The following DOP1B variants were observed in gnomAD, a reference collection of about 807,000 sequenced individuals.
The protein encoded by DOP1B is DOP1 leucine zipper like protein B, also known as protein DOP1B.
Under a neutral mutation model 233.5 loss-of-function variants are expected in DOP1B, and 174 were observed. That is an observed-to-expected ratio of 0.75 (90% CI 0.66 to 0.85). The LOEUF is 0.85. Ranked by LOEUF, DOP1B falls within the 40% of genes least tolerant of loss-of-function variation. The pLI, the probability that DOP1B is intolerant of heterozygous loss-of-function variation, is 0.00. For missense variants in DOP1B, 2,652 were observed against 2,846.6 expected (o/e 0.93, Z 1.56); for synonymous variants, 1,190 against 1,185.6 (o/e 1.00, Z -0.08).
At chr21:36,263,696 C>A in intron 25 of DOP1B, 46 bp downstream of exon 25, 1 of 1,612,646 alleles carries the variant, frequency 6.2e-7, no homozygotes, top group Non-Finnish European at 8.5e-7. Flanking sequence ...TCTCTTGGCA[C>A]ATATTTTATT....
chr21:36,203,468 T>C lies in DOP1B; in HGVS notation c.491+2967T>C, dbSNP rs1040725552. Among the ~76,000 whole-genome samples, 4 of 152,162 alleles carry C rather than the reference T, an allele frequency of 2.6e-5. No homozygotes were observed. In the South Asian group the frequency reaches 6.2e-4, roughly 24 times the overall value. Reference sequence around the variant, plus strand: ...CTGTAATCCCAGCTATTTGGAAGACTGAGGCAGAAGAATCACTTGAACCTC... The same window carrying C: ...CTGTAATCCCAGCTATTTGGAAGACCGAGGCAGAAGAATCACTTGAACCTC... On this transcript the variant is annotated intron_variant, in intron 4 of 36. Coordinates refer to ENST00000691173, the MANE Select transcript of DOP1B (RefSeq NM_001320714.2).
chr21:36,288,811 G>T lies in DOP1B; in HGVS notation c.6353G>T (p.Arg2118Ile). 1 of 1,611,406 alleles carries T rather than the reference G, an allele frequency of 6.2e-7. No homozygotes were observed. Among genetic ancestry groups the T allele is most frequent in the Non-Finnish European group, 8.5e-7 (1 of 1,177,930 alleles). ...CTAAAAGATGAAGATGAGTCATTGA[G>T]GTAAGCAGTACAAGATCTGTACACA... ...EDLKDEDESLRSTNKVNRTKV... is the reference protein window; with the variant it reads ...EDLKDEDESLISTNKVNRTKV... Residue 2118 changes from arginine (R) to isoleucine (I), a missense_variant and splice_region_variant, in exon 34 of 37, where the codon AGA (arginine) becomes ATA (isoleucine). Around this residue, in one of 3 missense-constraint regions of DOP1B, gnomAD observed 2,617 missense variants for 2,794.3 expected, o/e 0.94. Coordinates refer to ENST00000691173, the MANE Select transcript of DOP1B (RefSeq NM_001320714.2).
At chr21:36,244,063 G>T (rs1045905945) in intron 18 of DOP1B, among the ~76,000 whole-genome samples, 2 of 110,666 alleles carry the variant, frequency 1.8e-5, no homozygotes, top group Non-Finnish European at 3.3e-5. Context: ...GTCTCACTCT[G>T]TTGCCTAGTC....
chr21:36,169,113 G>A (rs937400519), intron 2 of DOP1B: 34 of 877,682 alleles, frequency 3.9e-5, no homozygotes, highest in Non-Finnish European at 5.9e-5. Flanking sequence ...AGAGCCCATC[G>A]TCTGGTCTGC....
chr21:36,243,223 G>A (rs1299448373), intron 18 of DOP1B, among the ~76,000 whole-genome samples: 8 of 151,824 alleles, frequency 5.3e-5, no homozygotes, highest in African/African-American at 1.5e-4. Flanking sequence ...CAAGTGATCC[G>A]CCCACCTCAG....
At chr21:36,266,636 T>TG (rs1267181936) in intron 26 of DOP1B, among the ~76,000 whole-genome samples, 1 of 152,206 alleles carries the variant, frequency 6.6e-6, no homozygotes, top group Non-Finnish European at 1.5e-5. Context: ...CCAGTTACTT[T>TG]GGGGTTTGTG....
chr21:36,270,832 G>T (rs1601468857), intron 27 of DOP1B, among the ~76,000 whole-genome samples: 1 of 147,930 alleles, frequency 6.8e-6, no homozygotes, highest in Admixed American at 6.8e-5. Flanking sequence ...AGAATTGCTT[G>T]AACCTGGGAG....
At position 36,246,232 on chromosome 21, in the gene DOP1B, C is replaced by T. The variant is rs61752464; in HGVS notation, c.4252C>T (p.Leu1418Phe). 4 of 1,613,928 alleles carry T rather than the reference C, an allele frequency of 2.5e-6. No individual in the cohort carries two copies. In the East Asian group the frequency reaches 6.7e-5, roughly 27 times the overall value. Reference protein sequence around the residue: ...HHGRALPEDSLFEESLINLGQ... With the variant: ...HHGRALPEDSFFEESLINLGQ... Reference sequence around the variant, plus strand: ...CGGCAGGGCCCTGCCAGAGGACAGCCTCTTTGAGGAGAGTCTCATTAACTT... The same window carrying T: ...CGGCAGGGCCCTGCCAGAGGACAGCTTCTTTGAGGAGAGTCTCATTAACTT... The change falls in exon 19 of 37, where the codon CTC (leucine) becomes TTC (phenylalanine). Residue 1418 changes from leucine to phenylalanine, a missense_variant. Around this residue, in one of 3 missense-constraint regions of DOP1B, gnomAD observed 2,617 missense variants for 2,794.3 expected, o/e 0.94. Transcript: ENST00000691173. The surrounding 1 kb of genome is among the most constrained non-coding windows in gnomAD (Gnocchi z 5.1).
intron 27 of DOP1B, among the ~76,000 whole-genome samples, chr21:36,272,068 GT>G (rs1311231998): frequency 3.9e-5 from 6 of 151,966 alleles, no homozygotes; most frequent in African/African-American, 1.5e-4. Context: ...GAGAAAGGAT[GT>G]TTGGTCCCAG....
chr21:36,251,323 G>A (rs772834513), intron 22 of DOP1B, 39 bp downstream of exon 22: 3 of 1,588,548 alleles, frequency 1.9e-6, no homozygotes, highest in Non-Finnish European at 1.7e-6. Context: ...TAAACTTACT[G>A]TGACAAAGAA....
In DOP1B at chr21:36,199,262, T is replaced by C. The variant is rs2066330347; in HGVS notation, c.320+11T>C. On this transcript the variant is annotated intron_variant, in intron 3 of 36. Transcript: ENST00000691173. ...CTTGTTTCTGTACAGGTGCGATTGC[T>C]TCTCTGCTGTGTTCCTTTTTATTAC... 1.2e-6 allele frequency: 2 copies of C among 1,604,838 alleles called. No homozygotes were observed.
intron 27 of DOP1B, among the ~76,000 whole-genome samples, chr21:36,270,912 CA>C (rs71326665): frequency 1.1e-3 from 146 of 127,728 alleles, no homozygotes; most frequent in Middle Eastern, 3.9e-3. Flanking sequence ...GACTACACCT[CA>C]AAAAAAAAAA....
At chr21:36,174,786 C>A (rs922505659) in intron 2 of DOP1B, among the ~76,000 whole-genome samples, 3 of 152,196 alleles carry the variant, frequency 2.0e-5, no homozygotes, top group Non-Finnish European at 4.4e-5. Context: ...AGGCGTGAGC[C>A]ACCGTGCCTG....
intron 1 of DOP1B, among the ~76,000 whole-genome samples, chr21:36,162,948 G>A (rs2065881087): frequency 6.6e-6 from 1 of 152,146 alleles, no homozygotes. Flanking sequence ...GAGTGTGTGG[G>A]CCAAGTGGAG....
At chr21:36,222,885 G>A (rs1465478178) in intron 10 of DOP1B, among the ~76,000 whole-genome samples, 2 of 151,798 alleles carry the variant, frequency 1.3e-5, no homozygotes, top group East Asian at 1.9e-4. Flanking sequence ...ACAGGTATCC[G>A]CCATCATGCC....
At chr21:36,288,332 T>C (rs1260592565) in intron 33 of DOP1B, among the ~76,000 whole-genome samples, 182 bp downstream of exon 33, 5 of 152,206 alleles carry the variant, frequency 3.3e-5, no homozygotes, top group Non-Finnish European at 4.4e-5. Context: ...TCATATTTGA[T>C]CTCTCACCCT....
At chr21:36,169,229 C>G (rs2065946888) in intron 2 of DOP1B, 1 of 984,966 alleles carries the variant, frequency 1.0e-6, no homozygotes, top group African/African-American at 1.6e-5. Context: ...GACAAAGCCA[C>G]CCAGAAGGTC....
rs138974334 is a variant in DOP1B at position 36,293,851 on chromosome 21, C to T, written c.*280C>T. 830 of 315,950 alleles carry T rather than the reference C, an allele frequency of 2.6e-3. 10 individuals are homozygous for T. The highest frequency in any genetic ancestry group is 0.023 in the East Asian group (303 of 13,016). 19.6% of individuals were successfully genotyped at this position (315,950 alleles called of 1,614,324 possible). On this transcript the variant is annotated 3_prime_UTR_variant, in exon 37 of 37. Coordinates refer to ENST00000691173, the MANE Select transcript of DOP1B (RefSeq NM_001320714.2). ...TACAAAAATTAGCTGGGTGTGGTGG[C>T]GGCGCCTGTAATCCCAGCTACTTGG...
At chr21:36,177,466 A>AG (rs1250000789) in intron 2 of DOP1B, among the ~76,000 whole-genome samples, 1 of 152,310 alleles carries the variant, frequency 6.6e-6, no homozygotes, top group African/African-American at 2.4e-5. Context: ...GGCTGGAGGT[A>AG]GTCCAGATTT....
Sources: gnomAD v4.1 joint callset for allele counts (sites outside exome capture counted in the v4.1 genomes callset) on GRCh38, gnomAD v4.1.1 for gene constraint, gnomAD v4.1.1 regional missense constraint, Gnocchi (gnomAD v3.1) non-coding constraint, MANE v1.5 for transcripts, NCBI Gene and HGNC (gene_info 2026-07-23, HGNC 2026-07-21) for gene names.